Variants in TRPM6 observed in about 807,000 individuals in gnomAD.
The protein encoded by TRPM6 is transient receptor potential cation channel subfamily M member 6.
Under a neutral mutation model 247.6 loss-of-function variants are expected in TRPM6, and 111 were observed. That is an observed-to-expected ratio of 0.45 (90% CI 0.38 to 0.52). TRPM6 has a LOEUF of 0.52. Ranked by LOEUF, TRPM6 falls within the 20% of genes least tolerant of loss-of-function variation. The pLI, the probability that TRPM6 is intolerant of heterozygous loss-of-function variation, is 0.00. For synonymous variants in TRPM6, 892 were observed against 853.8 expected, an observed-to-expected ratio of 1.04 and a Z score of -0.78; for missense variants, 2,126 against 2,421.5, an observed-to-expected ratio of 0.88 and a Z score of 2.56.
intron 2 of TRPM6, among the ~76,000 whole-genome samples, chr9:74,856,841 C>G (rs928732623): frequency 1.1e-4 from 17 of 151,994 alleles, no homozygotes; most frequent in African/African-American, 4.1e-4. Context: ...TTACTAGGAT[C>G]TAAAAAAAAG....
chr9:74,768,955 C>G (rs1009044930), intron 25 of TRPM6, among the ~76,000 whole-genome samples: 3 of 152,326 alleles, frequency 2.0e-5, no homozygotes, highest in Middle Eastern at 3.4e-3. Flanking sequence ...GTTCATCCCC[C>G]TTTCCTTAAG....
chr9:74,740,259 T>C (rs987510216), intron 33 of TRPM6, among the ~76,000 whole-genome samples: 6 of 152,186 alleles, frequency 3.9e-5, no homozygotes, highest in Non-Finnish European at 7.3e-5. Context: ...TAAGCTGTTC[T>C]TACTGTAGAC....
intron 7 of TRPM6, among the ~76,000 whole-genome samples, chr9:74,824,340 C>T (rs1235925423): frequency 2.6e-5 from 4 of 151,060 alleles, no homozygotes; most frequent in South Asian, 2.1e-4. Context: ...TTAGTAGAGA[C>T]GGGGTTTCAC....
Position 74,762,545 on chromosome 9 carries a change from C to A in TRPM6, c.4126G>T (p.Glu1376Ter). ...RPSVPDVLAT[E>*]QDIQTEVLVH... is the part of the protein sequence containing the mutation. ...AGAACCTCAGTCTGGATGTCCTGTT[C>A]AGTTGCCAGCACATCTGGCACAGAG... Residue 1376 changes from glutamate (E) to a stop codon, truncating the protein, a stop_gained, in exon 26 of 39, where the codon GAA (glutamate) becomes TAA (stop). Transcript: ENST00000360774. LOFTEE classifies it high-confidence loss of function. 6.2e-7 allele frequency: 1 copy of A among 1,614,152 alleles called. No individual in the cohort carries two copies. The highest frequency in any genetic ancestry group is 1.1e-5 in the South Asian group (1 of 91,076).
chr9:74,795,578 A>G (rs1036792621), intron 18 of TRPM6, among the ~76,000 whole-genome samples: 1 of 152,038 alleles, frequency 6.6e-6, no homozygotes, highest in Non-Finnish European at 1.5e-5. Flanking sequence ...TTCCCTCACC[A>G]CATCGTCAAG....
intron 32 of TRPM6, among the ~76,000 whole-genome samples, chr9:74,742,936 GGCATTTTAAT>G (rs1825908923): frequency 6.6e-6 from 1 of 152,122 alleles, no homozygotes; most frequent in African/African-American, 2.4e-5. Flanking sequence ...TCTTTTAAAT[GGCATTTTAAT>G]CCGTGGACTT....
At chr9:74,852,467 CTCTCCCTCTCCCTCTCCG>C (rs1830360998) in intron 3 of TRPM6, among the ~76,000 whole-genome samples, 1 of 150,568 alleles carries the variant, frequency 6.6e-6, no homozygotes, top group African/African-American at 2.5e-5. Flanking sequence ...CTCCCTCTCC[CTCTCCCTCTCCCTCTCCG>C]TCTCCGTCTC....
intron 7 of TRPM6, among the ~76,000 whole-genome samples, chr9:74,823,141 G>C (rs1490390793): frequency 6.6e-6 from 1 of 152,106 alleles, no homozygotes; most frequent in South Asian, 2.1e-4. Flanking sequence ...ACTCACCCCT[G>C]AGCAAAAGAG....
chr9:74,777,832 T>C (rs1038550365), intron 23 of TRPM6, among the ~76,000 whole-genome samples: 1 of 152,180 alleles, frequency 6.6e-6, no homozygotes. Context: ...CCCCACAGTA[T>C]GAAAAATACA....
Position 74,840,161 on chromosome 9 carries a change from G to A in TRPM6, c.407C>T (p.Pro136Leu), listed in dbSNP as rs1401318109. 6.2e-7 allele frequency: 1 copy of A among 1,613,986 alleles called. No homozygotes were observed. The highest frequency in any genetic ancestry group is 1.3e-5 in the African/African-American group (1 of 74,998). Residue 136 changes from proline (P) to leucine (L), a missense_variant, in exon 5 of 39, where the codon CCC (proline) becomes CTC (leucine). Pro to Leu is a moderately conservative substitution (Grantham distance 98). Around this residue, in one of 3 missense-constraint regions of TRPM6, gnomAD observed 1,082 missense variants for 1,307.9 expected, o/e 0.83. Transcript: ENST00000360774. The part of the protein sequence containing the change: ...LMLKEWKMEL[P>L]KLVISVHGGI... ...CCCATGGACTGAGATCACAAGCTTGGGCAGTTCCATTTTCCACTCTTTCAA... is the reference window on the plus strand; with the variant it reads ...CCCATGGACTGAGATCACAAGCTTGAGCAGTTCCATTTTCCACTCTTTCAA...
chr9:74,738,704 A>T (rs1825769616), intron 35 of TRPM6, 92 bp from the exon 36 acceptor site: 1 of 1,088,414 alleles, frequency 9.2e-7, no homozygotes, highest in Non-Finnish European at 1.4e-6. Flanking sequence ...AGATTACCTA[A>T]CTCTGGTATG....
chr9:74,839,433 TA>T (rs925761847), intron 5 of TRPM6, among the ~76,000 whole-genome samples: 4 of 151,170 alleles, frequency 2.6e-5, no homozygotes, highest in East Asian at 1.9e-4. Context: ...ATCATGTAGT[TA>T]AAAAAAAAGT....
chr9:74,781,241 G>A (rs1827431441), intron 23 of TRPM6, among the ~76,000 whole-genome samples: 2 of 151,934 alleles, frequency 1.3e-5, no homozygotes, highest in African/African-American at 4.8e-5. Context: ...AAGTGACAGA[G>A]AAGAAAACAG....
intron 1 of TRPM6, among the ~76,000 whole-genome samples, chr9:74,886,525 T>C (rs1245597790): frequency 6.6e-6 from 1 of 151,540 alleles, no homozygotes; most frequent in East Asian, 1.9e-4. Context: ...TTTTTTTTTT[T>C]CTTTTTTATG....
chr9:74,763,183 G>A, intron 25 of TRPM6, 49 bp from the exon 26 acceptor site: 1 of 1,572,560 alleles, frequency 6.4e-7, no homozygotes, highest in Non-Finnish European at 8.7e-7. Context: ...AAGCCAGTGG[G>A]AATTTGCTCT....
At chr9:74,782,624 C>T in intron 22 of TRPM6, 55 bp downstream of exon 22, 2 of 1,584,500 alleles carry the variant, frequency 1.3e-6, no homozygotes, top group Admixed American at 3.3e-5. Context: ...ATGTATTTTA[C>T]TCTTGTTAAC....
intron 18 of TRPM6, among the ~76,000 whole-genome samples, chr9:74,793,756 C>T (rs1462505352): frequency 6.6e-6 from 1 of 152,188 alleles, no homozygotes; most frequent in East Asian, 1.9e-4. Context: ...CATGTGCTCT[C>T]TGAGCTTCCA....
intron 36 of TRPM6, among the ~76,000 whole-genome samples, chr9:74,736,719 G>A (rs7859466): frequency 1.7e-4 from 26 of 152,252 alleles, no homozygotes; most frequent in Admixed American, 1.2e-3. Flanking sequence ...TTTTGACATC[G>A]TTTATTTGGA....
rs7038344 is a variant in TRPM6 at position 74,816,448 on chromosome 9, G to T, written c.1308+221C>A. On this transcript the variant is annotated intron_variant, in intron 11 of 38. Transcript: ENST00000360774. ...ACTCAACTTCCCTTTTCAGCTTCAGGTAGATTGCAGAGCCAGGAAAAAAAA... is the reference window on the plus strand; with the variant it reads ...ACTCAACTTCCCTTTTCAGCTTCAGTTAGATTGCAGAGCCAGGAAAAAAAA... Among the ~76,000 whole-genome samples, 127,274 of 142,728 alleles carry T rather than the reference G, an allele frequency of 0.89. 56,792 individuals are homozygous for T. The highest frequency in any genetic ancestry group is 0.92 in the Middle Eastern group (253 of 276). 93.6% of individuals were successfully genotyped at this position (142,728 alleles called of 152,430 possible).
Sources: allele counts gnomAD v4.1 joint callset (sites outside exome capture counted in the v4.1 genomes callset), GRCh38; gene constraint gnomAD v4.1.1; regional missense constraint gnomAD v4.1.1; transcripts MANE v1.5; gene names NCBI Gene and HGNC (gene_info 2026-07-23, HGNC 2026-07-21).